PTGR2: variants seen among roughly 807,000 people sequenced by gnomAD.
PTGR2 encodes prostaglandin reductase 2.
Under a neutral mutation model 43.4 loss-of-function variants are expected in PTGR2, and 32 were observed. The ratio of observed to expected loss-of-function variants is 0.74; its 90% CI spans 0.56 to 0.99. The LOEUF (loss-of-function observed/expected upper bound fraction) is 0.99, where lower values mean the gene tolerates loss of function less well. PTGR2 is among the 50% of genes least tolerant of loss of function. The pLI, the probability that PTGR2 is intolerant of heterozygous loss-of-function variation, is 0.00. For synonymous variants in PTGR2, 106 were observed against 139.2 expected, an observed-to-expected ratio of 0.76 and a Z score of 1.68; for missense variants, 373 against 420.0, an observed-to-expected ratio of 0.89 and a Z score of 0.98.
intron 2 of PTGR2, among the ~76,000 whole-genome samples, chr14:73,859,597 T>C (rs1277797050): frequency 6.6e-6 from 1 of 152,046 alleles, no homozygotes; most frequent in Non-Finnish European, 1.5e-5. Context: ...TTTATATTCG[T>C]TTAAGTTTCT....
At chr14:73,862,895 A>T (rs931646624) in intron 3 of PTGR2, among the ~76,000 whole-genome samples, 1 of 151,828 alleles carries the variant, frequency 6.6e-6, no homozygotes, top group African/African-American at 2.4e-5. Context: ...TTTTGTAGAG[A>T]TGGGGTCTTG....
At chr14:73,854,479 T>C (rs1330970731) in intron 1 of PTGR2, among the ~76,000 whole-genome samples, 1 of 152,242 alleles carries the variant, frequency 6.6e-6, no homozygotes, top group Non-Finnish European at 1.5e-5. Context: ...TTAATTGTAG[T>C]ATTTGACACT....
intron 3 of PTGR2, 58 bp downstream of exon 3, chr14:73,860,715 G>A (rs1483591422): frequency 1.2e-6 from 1 of 865,034 alleles, no homozygotes; most frequent in Non-Finnish European, 1.9e-6. Context: ...TATTTTTCAT[G>A]TTGTATCTGA....
chr14:73,872,470 A>C (rs956846903), intron 3 of PTGR2, among the ~76,000 whole-genome samples: 1 of 152,200 alleles, frequency 6.6e-6, no homozygotes, highest in African/African-American at 2.4e-5. Flanking sequence ...CTTTGAAACC[A>C]TCAAAACACT....
chr14:73,872,207 G>T (rs2054752165), intron 3 of PTGR2, among the ~76,000 whole-genome samples: 1 of 152,176 alleles, frequency 6.6e-6, no homozygotes, highest in Non-Finnish European at 1.5e-5. Context: ...GTGACATTCT[G>T]TCTTTGAGGG....
At chr14:73,883,459 G>T (rs1340034361) in intron 9 of PTGR2, among the ~76,000 whole-genome samples, 1 of 150,720 alleles carries the variant, frequency 6.6e-6, no homozygotes, top group Non-Finnish European at 1.5e-5. Context: ...CTCCCAAAGT[G>T]CTGGAATTTA....
intron 4 of PTGR2, among the ~76,000 whole-genome samples, chr14:73,875,595 T>G (rs1185230866): frequency 1.3e-5 from 2 of 151,080 alleles, no homozygotes; most frequent in African/African-American, 4.9e-5. Context: ...CCACCCGCCT[T>G]GGCCTCCCAA....
At chr14:73,876,481 TCC>T (rs2054867659) in intron 4 of PTGR2, among the ~76,000 whole-genome samples, 1 of 134,276 alleles carries the variant, frequency 7.4e-6, no homozygotes, top group African/African-American at 2.7e-5. Flanking sequence ...AGGACATAAG[TCC>T]TTTTTTTTTT....
intron 1 of PTGR2, among the ~76,000 whole-genome samples, chr14:73,857,238 G>GTTTT (rs200670094): frequency 1.2e-4 from 17 of 144,560 alleles, no homozygotes; most frequent in African/African-American, 3.1e-4. Flanking sequence ...AGGAATTTCC[G>GTTTT]TTTTTTTTTT....
rs1211685019 is a variant in PTGR2, at chr14:73,885,569, G to GT, written c.*1393dup. On this transcript the variant is annotated 3_prime_UTR_variant, in exon 10 of 10. Coordinates refer to ENST00000555661, the MANE Select transcript of PTGR2 (RefSeq NM_001146154.2). Reference sequence around the variant, plus strand: ...TTGGTAATCAGCCTCCCCAGTTTTCGTGAGTGGCCCTTTTTTGTTACTTTT... The same window carrying GT: ...TTGGTAATCAGCCTCCCCAGTTTTCGTTGAGTGGCCCTTTTTTGTTACTTTT... 2 of 152,066 alleles carry GT rather than the reference G, an allele frequency of 1.3e-5. No individual in the cohort carries two copies. Among genetic ancestry groups the GT allele is most frequent in the Non-Finnish European group, 2.9e-5 (2 of 68,012 alleles). The allele number at this position is 152,066 out of a possible 1,614,324, so 9.4% of individuals were successfully genotyped here. A position where few individuals can be genotyped will look rare whatever the true frequency, so the allele number is the denominator to read the frequency against.
chr14:73,875,365 A>C (rs1313018073), intron 4 of PTGR2, among the ~76,000 whole-genome samples: 1 of 151,532 alleles, frequency 6.6e-6, no homozygotes, highest in Non-Finnish European at 1.5e-5. Context: ...TTTTTTTTCA[A>C]GACAGAGTCT....
At chr14:73,879,862 G>C in intron 6 of PTGR2, 193 bp from the exon 7 acceptor site, 1 of 518,000 alleles carries the variant, frequency 1.9e-6, no homozygotes, top group South Asian at 2.3e-5. Flanking sequence ...CCATTTATTT[G>C]CCTTGGTGTT....
intron 3 of PTGR2, among the ~76,000 whole-genome samples, chr14:73,867,895 A>G (rs2054639034): frequency 6.6e-6 from 1 of 152,206 alleles, no homozygotes; most frequent in Admixed American, 6.5e-5. Flanking sequence ...GATTCTTCTT[A>G]TAACAGCAAC....
At position 73,864,831 on chromosome 14, in the gene PTGR2, C is replaced by T. The variant is rs146508560; in HGVS notation, c.156+4174C>T. 1.5e-3 allele frequency among the ~76,000 whole-genome samples: 234 copies of T among 152,146 alleles called. 1 individual carries two copies. The highest frequency in any genetic ancestry group is 5.4e-3 in the African/African-American group (226 of 41,536). ...GATTTATCTCTTTTTTTGTTTGTCACGTATACTTTCAATACTTTCAGACTC... is the reference window on the plus strand; with the variant it reads ...GATTTATCTCTTTTTTTGTTTGTCATGTATACTTTCAATACTTTCAGACTC... On this transcript the variant is annotated intron_variant, in intron 3 of 9. Coordinates refer to ENST00000555661, the MANE Select transcript of PTGR2 (RefSeq NM_001146154.2).
At chr14:73,862,260 T>C (rs1187289121) in intron 3 of PTGR2, among the ~76,000 whole-genome samples, 2 of 152,054 alleles carry the variant, frequency 1.3e-5, no homozygotes, top group Non-Finnish European at 2.9e-5. Context: ...CAGGCTGGAG[T>C]GCAGTGGCGC....
At chr14:73,882,356 T>C (rs370312199) in intron 8 of PTGR2, 43 bp from the exon 9 acceptor site, 42 of 1,195,998 alleles carry the variant, frequency 3.5e-5, no homozygotes, top group South Asian at 1.0e-4. Flanking sequence ...TATAGAAACA[T>C]TGAAGTTTAA....
intron 1 of PTGR2, among the ~76,000 whole-genome samples, chr14:73,854,588 T>G (rs1394773091): frequency 6.6e-6 from 1 of 152,220 alleles, no homozygotes; most frequent in African/African-American, 2.4e-5. Context: ...TACATATTAA[T>G]ATGTTAAACA....
chr14:73,856,697 C>T (rs908701738), intron 1 of PTGR2, among the ~76,000 whole-genome samples: 4 of 152,194 alleles, frequency 2.6e-5, no homozygotes, highest in Non-Finnish European at 4.4e-5. Context: ...TAAGCTAAAC[C>T]ATATCACCTA....
intron 9 of PTGR2, among the ~76,000 whole-genome samples, chr14:73,882,984 C>G (rs71429021): frequency 6.7e-6 from 1 of 149,988 alleles, no homozygotes; most frequent in Non-Finnish European, 1.5e-5. Context: ...GTATGCCTGG[C>G]TAATTTTTGT....
Sources: gnomAD v4.1 joint callset for allele counts (sites outside exome capture counted in the v4.1 genomes callset) on GRCh38, gnomAD v4.1.1 for gene constraint, MANE v1.5 for transcripts, NCBI Gene and HGNC (gene_info 2026-07-23, HGNC 2026-07-21) for gene names.